Variants in MACROD2 observed in about 807,000 individuals in gnomAD.
MACROD2 encodes the protein ADP-ribose glycohydrolase MACROD2.
Under a neutral mutation model 70.4 loss-of-function variants are expected in MACROD2, and 36 were observed. That is an observed-to-expected ratio of 0.51 (90% CI 0.39 to 0.68). MACROD2 has a LOEUF of 0.68. MACROD2 is among the 30% of genes least tolerant of loss of function. The probability of loss-of-function intolerance (pLI) is 0.00; values close to 1 mark genes in which losing one functional copy is unlikely to be tolerated. For synonymous variants in MACROD2, 172 were observed against 178.8 expected, an observed-to-expected ratio of 0.96 and a Z score of 0.30; for missense variants, 496 against 538.4, an observed-to-expected ratio of 0.92 and a Z score of 0.78.
chr20:15,621,851 C>T lies in MACROD2; in HGVS notation c.645+122004C>T, dbSNP rs546010438. 3.3e-5 allele frequency among the ~76,000 whole-genome samples: 5 copies of T among 152,330 alleles called. No individual in the cohort carries two copies. In the East Asian group the frequency reaches 9.6e-4, roughly 29 times the overall value. On this transcript the variant is annotated intron_variant, in intron 8 of 17. Coordinates refer to ENST00000684519, the MANE Select transcript of MACROD2 (RefSeq NM_001351661.2). ...TAATACATAGGGGTAGTTTAGACAC[C>T]TCAAGTCTGTATGGATACCTCAGGG...
chr20:15,273,875 A>G (rs1308723874), intron 6 of MACROD2, among the ~76,000 whole-genome samples: 1 of 152,190 alleles, frequency 6.6e-6, no homozygotes. Flanking sequence ...TGGTTTCTTT[A>G]TCTGTGAACT....
intron 8 of MACROD2, among the ~76,000 whole-genome samples, chr20:15,539,683 A>T (rs183555372): frequency 5.8e-4 from 89 of 152,312 alleles, no homozygotes; most frequent in Middle Eastern, 3.4e-3. Flanking sequence ...TCACTCAGTA[A>T]ATAACTACTT....
At chr20:15,553,012 A>C (rs2048119702) in intron 8 of MACROD2, 1 of 152,254 alleles carries the variant, frequency 6.6e-6, no homozygotes, top group Non-Finnish European at 1.5e-5. Context: ...ACAATTACAA[A>C]GACTAAAAAT....
chr20:14,085,921 A>G (rs1482278015), intron 3 of MACROD2, among the ~76,000 whole-genome samples, 193 bp downstream of exon 3: 2 of 152,208 alleles, frequency 1.3e-5, no homozygotes, highest in African/African-American at 2.4e-5. Flanking sequence ...CATCTACAGT[A>G]CCCTCTACAG....
intron 4 of MACROD2, among the ~76,000 whole-genome samples, chr20:14,494,980 G>A (rs1405303677): frequency 2.0e-5 from 3 of 152,008 alleles, no homozygotes; most frequent in Non-Finnish European, 4.4e-5. Context: ...ATAGCATAGA[G>A]GAAAGTTAAA....
intron 5 of MACROD2, among the ~76,000 whole-genome samples, chr20:14,745,445 G>C (rs2071787716): frequency 6.6e-6 from 1 of 152,164 alleles, no homozygotes. Context: ...CAGTGTTACA[G>C]CACTGAGGAC....
At chr20:15,471,396 G>A (rs890385758) in intron 7 of MACROD2, among the ~76,000 whole-genome samples, 1 of 152,160 alleles carries the variant, frequency 6.6e-6, no homozygotes, top group African/African-American at 2.4e-5. Context: ...CCCATTGTGC[G>A]AAGCATTTGA....
chr20:16,009,540 TG>T (rs1468846236), intron 15 of MACROD2, among the ~76,000 whole-genome samples: 1 of 152,140 alleles, frequency 6.6e-6, no homozygotes, highest in Non-Finnish European at 1.5e-5. Flanking sequence ...GCAGATCACC[TG>T]AGGTCAGGAG....
intron 4 of MACROD2, among the ~76,000 whole-genome samples, chr20:14,516,700 T>C (rs1448459037): frequency 2.0e-5 from 3 of 152,212 alleles, no homozygotes; most frequent in Admixed American, 6.6e-5. Flanking sequence ...TTTTGGTTAC[T>C]GTGGCCTTGT....
intron 2 of MACROD2, among the ~76,000 whole-genome samples, chr20:14,024,879 G>A (rs1189983333): frequency 6.6e-6 from 1 of 152,162 alleles, no homozygotes; most frequent in East Asian, 1.9e-4. Context: ...GATGATGACT[G>A]TCCTCATAAA....
intron 3 of MACROD2, among the ~76,000 whole-genome samples, chr20:14,214,553 C>G (rs1262593137): frequency 6.8e-6 from 1 of 146,450 alleles, no homozygotes; most frequent in Non-Finnish European, 1.5e-5. Flanking sequence ...ATAATTTTAA[C>G]TGTTTCTACC....
intron 8 of MACROD2, among the ~76,000 whole-genome samples, chr20:15,643,201 A>G (rs1054941271): frequency 5.9e-5 from 9 of 152,116 alleles, no homozygotes; most frequent in East Asian, 3.9e-4. Flanking sequence ...ACCTGCTTAC[A>G]TGTTAATCTC....
chr20:14,855,805 A>T (rs1181399881), intron 5 of MACROD2, among the ~76,000 whole-genome samples: 1 of 151,976 alleles, frequency 6.6e-6, no homozygotes, highest in Non-Finnish European at 1.5e-5. Flanking sequence ...GTTATCTCTT[A>T]TGGTATGTCT....
At chr20:15,387,368 TTCTTCCCTC>T (rs775520082) in intron 6 of MACROD2, among the ~76,000 whole-genome samples, 15 of 123,376 alleles carry the variant, frequency 1.2e-4, no homozygotes, top group Middle Eastern at 3.9e-3. Context: ...TCCTCTCCCT[TTCTTCCCTC>T]TCTTCCTACC....
chr20:15,195,471 A>G (rs1236441862), intron 5 of MACROD2, among the ~76,000 whole-genome samples: 1 of 148,372 alleles, frequency 6.7e-6, no homozygotes, highest in African/African-American at 2.6e-5. Context: ...GCCAACAAAC[A>G]TGAAAAAAAA....
At chr20:14,474,826 T>C (rs933239358) in intron 3 of MACROD2, among the ~76,000 whole-genome samples, 4 of 152,160 alleles carry the variant, frequency 2.6e-5, no homozygotes, top group African/African-American at 9.6e-5. Flanking sequence ...GGAAAGTCTT[T>C]TTCCATTTCT....
At chr20:15,963,442 T>G (rs1302014962) in intron 12 of MACROD2, among the ~76,000 whole-genome samples, 1 of 152,234 alleles carries the variant, frequency 6.6e-6, no homozygotes, top group Non-Finnish European at 1.5e-5. Flanking sequence ...TTTTATACTT[T>G]ATATTCACCT....
intron 5 of MACROD2, among the ~76,000 whole-genome samples, chr20:15,066,868 A>C (rs424809): frequency 0.61 from 91,562 of 149,388 alleles, 28,196 homozygotes; most frequent in East Asian, 0.69. Flanking sequence ...GGTGACAGAG[A>C]GAGACTCTGT....
intron 6 of MACROD2, among the ~76,000 whole-genome samples, chr20:15,350,347 T>A (rs934119824): frequency 2.6e-5 from 4 of 152,224 alleles, no homozygotes; most frequent in Non-Finnish European, 4.4e-5. Context: ...TAACTGTGTT[T>A]TTATTTGACT....
Sources: allele counts gnomAD v4.1 joint callset (sites outside exome capture counted in the v4.1 genomes callset), GRCh38; gene constraint gnomAD v4.1.1; transcripts MANE v1.5; gene names NCBI Gene and HGNC (gene_info 2026-07-23, HGNC 2026-07-21).